The following ADGRL2 variants were observed in gnomAD, a reference collection of about 807,000 sequenced individuals.
ADGRL2 encodes the protein adhesion G protein-coupled receptor L2, also known as calcium-independent alpha-latrotoxin receptor 2.
In ADGRL2, 44 loss-of-function variants were observed where a neutral mutation model predicts 157.4. The ratio of observed to expected loss-of-function variants is 0.28; its 90% CI spans 0.22 to 0.36. The LOEUF is 0.36. ADGRL2 is among the 10% of genes least tolerant of loss of function. The probability of loss-of-function intolerance (pLI) is 1.00; values close to 1 mark genes in which losing one functional copy is unlikely to be tolerated. For missense variants in ADGRL2, 1,510 were observed against 1,768.9 expected (o/e 0.85, Z 2.63); for synonymous variants, 585 against 624.7 (o/e 0.94, Z 0.95).
At chr1:81,362,651 A>G (rs1375735736) in intron 1 of ADGRL2, among the ~76,000 whole-genome samples, 1 of 151,984 alleles carries the variant, frequency 6.6e-6, no homozygotes, top group Non-Finnish European at 1.5e-5. Flanking sequence ...TCTGCATAGA[A>G]TTAATATTCC....
chr1:81,491,749 G>A (rs192937899), intron 2 of ADGRL2, among the ~76,000 whole-genome samples: 2 of 152,164 alleles, frequency 1.3e-5, no homozygotes, highest in African/African-American at 4.8e-5. Context: ...GGTGGTGGGT[G>A]CTGCTAATTA....
At chr1:81,689,075 G>A (rs1347035955) in intron 3 of ADGRL2, among the ~76,000 whole-genome samples, 1 of 152,166 alleles carries the variant, frequency 6.6e-6, no homozygotes, top group African/African-American at 2.4e-5. Flanking sequence ...GCCTGTTCTG[G>A]TGGACGTGGT....
chr1:81,344,897 C>A (rs1570677133), intron 1 of ADGRL2, among the ~76,000 whole-genome samples: 1 of 151,850 alleles, frequency 6.6e-6, no homozygotes, highest in Admixed American at 6.6e-5. Context: ...AAATATTAAC[C>A]AGCATTTTCA....
chr1:81,501,968 A>C, intron 2 of ADGRL2: 1 of 1,613,726 alleles, frequency 6.2e-7, no homozygotes. Context: ...ACCTTCTGGC[A>C]GCACTCCCTT....
At chr1:81,643,677 G>A (rs2082262904) in intron 3 of ADGRL2, among the ~76,000 whole-genome samples, 3 of 152,064 alleles carry the variant, frequency 2.0e-5, no homozygotes, top group Non-Finnish European at 2.9e-5. Flanking sequence ...AAATACATAG[G>A]TGTAAATGTA....
chr1:81,882,821 A>G (rs761689347), intron 2 of ADGRL2, among the ~76,000 whole-genome samples: 19 of 152,150 alleles, frequency 1.2e-4, no homozygotes, highest in Non-Finnish European at 2.5e-4. Context: ...ATTTGAACAG[A>G]ATCTTATTTT....
chr1:81,897,400 T>C (rs968277313), intron 2 of ADGRL2, among the ~76,000 whole-genome samples: 1 of 152,168 alleles, frequency 6.6e-6, no homozygotes, highest in African/African-American at 2.4e-5. Context: ...TTATTTTTAA[T>C]AGATGTGCTT....
intron 1 of ADGRL2, among the ~76,000 whole-genome samples, chr1:81,825,168 T>C (rs2091354550): frequency 6.6e-6 from 1 of 151,860 alleles, no homozygotes; most frequent in Non-Finnish European, 1.5e-5. Flanking sequence ...CAACTTAGAG[T>C]CCTGTTTCTA....
chr1:81,951,568 C>T (rs1651804691), intron 8 of ADGRL2, among the ~76,000 whole-genome samples: 2 of 152,012 alleles, frequency 1.3e-5, no homozygotes, highest in Admixed American at 1.3e-4. Context: ...CTTCATCTAC[C>T]TTTATGACGA....
chr1:81,542,864 A>G (rs2079918943), intron 2 of ADGRL2, among the ~76,000 whole-genome samples: 3 of 152,216 alleles, frequency 2.0e-5, no homozygotes, highest in African/African-American at 4.8e-5. Flanking sequence ...TATAAAAATC[A>G]TAGTCCCCTA....
chr1:81,486,920 G>A (rs904962933), intron 2 of ADGRL2, among the ~76,000 whole-genome samples: 38 of 151,980 alleles, frequency 2.5e-4, no homozygotes, highest in Non-Finnish European at 2.4e-4. Context: ...ACTACCAGAC[G>A]GAAGTAATGA....
At chr1:81,686,332 G>T (rs550992074) in intron 3 of ADGRL2, among the ~76,000 whole-genome samples, 53 of 152,064 alleles carry the variant, frequency 3.5e-4, no homozygotes, top group Non-Finnish European at 6.5e-4. Context: ...TGGTCTGTTT[G>T]GGATATCTAA....
At chr1:81,754,305 A>G (rs979402537) in intron 1 of ADGRL2, among the ~76,000 whole-genome samples, 5 of 150,470 alleles carry the variant, frequency 3.3e-5, no homozygotes, top group African/African-American at 7.3e-5. Context: ...TTGGAAACAT[A>G]GACATACTAA....
intron 2 of ADGRL2, among the ~76,000 whole-genome samples, chr1:81,862,232 A>G (rs1468983797): frequency 6.6e-6 from 1 of 152,140 alleles, no homozygotes; most frequent in African/African-American, 2.4e-5. Flanking sequence ...AAAACTTCCT[A>G]AATTTCAAAA....
At chr1:81,438,388 C>G (rs1365514235) in intron 1 of ADGRL2, among the ~76,000 whole-genome samples, 1 of 152,138 alleles carries the variant, frequency 6.6e-6, no homozygotes, top group African/African-American at 2.4e-5. Context: ...ACATTCATCA[C>G]TTCCTAATTA....
chr1:81,989,704 T>C, intron 23 of ADGRL2: 1 of 1,610,986 alleles, frequency 6.2e-7, no homozygotes, highest in South Asian at 1.1e-5. Context: ...ATGTGAGTTG[T>C]CCAAAGTGAG....
At chr1:81,782,157 C>T (rs142111742) in intron 2 of ADGRL2, among the ~76,000 whole-genome samples, 141 of 152,296 alleles carry the variant, frequency 9.3e-4, no homozygotes, top group African/African-American at 3.2e-3. Flanking sequence ...CCAGCAAGCC[C>T]TGCCAGTGCC....
chr1:81,587,313 A>G lies in ADGRL2; in HGVS notation c.-143+6333A>G, dbSNP rs145220955. On this transcript the variant is annotated intron_variant, in intron 3 of 24. Coordinates refer to the ADGRL2 transcript ENST00000370721. ...AGTGCTATGAGAAGACAAAGAAGGG[A>G]GTTATTAATACCTCTTTGAGTTTGG... Among the ~76,000 whole-genome samples, 237 of 152,156 alleles carry G rather than the reference A, an allele frequency of 1.6e-3. 1 individual carries two copies. Among genetic ancestry groups the G allele is most frequent in the African/African-American group, 5.4e-3 (223 of 41,524 alleles).
chr1:81,471,213 T>C (rs12039785), intron 2 of ADGRL2, among the ~76,000 whole-genome samples: 1,539 of 152,312 alleles, frequency 0.01, 30 homozygotes, highest in East Asian at 0.067. Flanking sequence ...TTTATACATT[T>C]CTTGGGCAGC....
Sources: allele counts gnomAD v4.1 joint callset (sites outside exome capture counted in the v4.1 genomes callset), GRCh38; gene constraint gnomAD v4.1.1; transcripts MANE v1.5; gene names NCBI Gene and HGNC (gene_info 2026-07-23, HGNC 2026-07-21).